The following NDUFAF7 variants were observed in gnomAD, a reference collection of about 807,000 sequenced individuals.
NDUFAF7 encodes the protein protein arginine methyltransferase NDUFAF7, mitochondrial.
A neutral mutation model predicts 47.2 loss-of-function variants in NDUFAF7; 48 were observed. That is an observed-to-expected ratio of 1.02 (90% CI 0.81 to 1.29). NDUFAF7 has a LOEUF of 1.29. Among genes scored for constraint, NDUFAF7 ranks in the 50% most tolerant of loss-of-function variants. The probability of loss-of-function intolerance (pLI) is 0.00; values close to 1 mark genes in which losing one functional copy is unlikely to be tolerated. For synonymous variants in NDUFAF7, 217 were observed against 190.0 expected, an observed-to-expected ratio of 1.14 and a Z score of -1.17; for missense variants, 635 against 537.6, an observed-to-expected ratio of 1.18 and a Z score of -1.79.
At chr2:37,256,377 A>C (rs192268728), downstream of NDUFAF7, among the ~76,000 whole-genome samples, 129 of 152,348 alleles carry the variant, frequency 8.5e-4, no homozygotes, top group African/African-American at 2.9e-3. Flanking sequence ...GGACCAGAAA[A>C]GAGTTTAACA....
rs755507326 is a variant in NDUFAF7 at position 37,243,881 on chromosome 2, C to T, written c.700C>T (p.Arg234Ter). The T allele has an allele frequency of 1.3e-5, 21 of 1,613,778 alleles. No individual in the cohort carries two copies. The highest frequency in any genetic ancestry group is 4.0e-5 in the African/African-American group (3 of 74,882). ...TGTTTAGAAAACACCACAGGGATGG[C>T]GAGAAGTATTTGTTGACATTGATCC... ...HKFQKTPQGW[R>*]EVFVDIDPQV... The change falls in exon 7 of 10, where the codon CGA becomes TGA. Residue 234 changes from arginine to a stop codon, truncating the protein, a stop_gained. Coordinates refer to ENST00000002125, the MANE Select transcript of NDUFAF7 (RefSeq NM_144736.5). LOFTEE classifies it high-confidence loss of function.
At chr2:37,266,334 G>T in the NDUFAF7 span, among the ~76,000 whole-genome samples, 2 of 152,154 alleles carry the variant, frequency 1.3e-5, no homozygotes, top group Non-Finnish European at 2.9e-5. Context: ...ACCATTTTTT[G>T]TTGTTGTTGA....
chr2:37,259,558 T>TA, the NDUFAF7 span: 5 of 1,557,312 alleles, frequency 3.2e-6, no homozygotes, highest in Non-Finnish European at 4.4e-6. Flanking sequence ...CAGAATCATT[T>TA]AAAAGGTTCT....
the NDUFAF7 span, among the ~76,000 whole-genome samples, chr2:37,263,368 C>T: frequency 2.6e-5 from 4 of 152,104 alleles, no homozygotes; most frequent in South Asian, 2.1e-4. Flanking sequence ...ACTGTTTATA[C>T]GACTGCTTTT....
the NDUFAF7 span, among the ~76,000 whole-genome samples, chr2:37,266,116 C>T: frequency 6.6e-6 from 1 of 152,124 alleles, no homozygotes. Context: ...AGGAGACAGC[C>T]TTGATATGAC....
the NDUFAF7 span, among the ~76,000 whole-genome samples, chr2:37,262,349 ACT>A: frequency 3.9e-5 from 6 of 152,140 alleles, no homozygotes; most frequent in Non-Finnish European, 8.8e-5. Context: ...TGTTTAATAA[ACT>A]CTCTGAGGCA....
chr2:37,257,607 A>C (rs1668062801), downstream of NDUFAF7, among the ~76,000 whole-genome samples: 2 of 137,316 alleles, frequency 1.5e-5, no homozygotes, highest in Admixed American at 1.7e-4. Context: ...CAGAGCTTGC[A>C]GTGAGTCGAG....
At chr2:37,261,737 G>A in the NDUFAF7 span, among the ~76,000 whole-genome samples, 10 of 152,314 alleles carry the variant, frequency 6.6e-5, no homozygotes, top group East Asian at 1.3e-3. Context: ...CTGAGATTGC[G>A]CCATTGCACT....
the NDUFAF7 span, among the ~76,000 whole-genome samples, chr2:37,265,488 T>TACACAC: frequency 3.3e-5 from 5 of 150,052 alleles, no homozygotes; most frequent in South Asian, 2.1e-4. Context: ...ATCTTTATAC[T>TACACAC]ACACACACAC....
chr2:37,238,522 G>A (rs1666028047), intron 4 of NDUFAF7, among the ~76,000 whole-genome samples: 1 of 151,800 alleles, frequency 6.6e-6, no homozygotes, highest in Non-Finnish European at 1.5e-5. Flanking sequence ...GGGCCAAGGT[G>A]GGAGGATTGC....
At chr2:37,244,124 A>T in intron 7 of NDUFAF7, 151 bp downstream of exon 7, 1 of 684,580 alleles carries the variant, frequency 1.5e-6, no homozygotes, top group Non-Finnish European at 2.5e-6. Flanking sequence ...GAAAGTGCAG[A>T]GGAGCTAGAG....
At position 37,248,492 on chromosome 2, in the gene NDUFAF7, C is replaced by G. The variant is rs1017676475; in HGVS notation, c.*142C>G. The G allele has an allele frequency of 2.4e-6, 2 of 827,210 alleles. No homozygotes were observed. The highest frequency in any genetic ancestry group is 4.0e-6 in the Non-Finnish European group (2 of 500,154). The allele number at this position is 827,210 out of a possible 1,614,324, so 51.2% of individuals were successfully genotyped here. A position where few individuals can be genotyped will look rare whatever the true frequency, so the allele number is the denominator to read the frequency against. ...CAGTCCATGTTGTATATAATACAAC[C>G]AACATTATAGAACTTTTAGGGTTGT... On this transcript the variant is annotated 3_prime_UTR_variant, in exon 10 of 10. Transcript: ENST00000002125.
At chr2:37,231,924 G>A (rs1419668166) in intron 1 of NDUFAF7, 164 bp downstream of exon 1, 14 of 1,593,414 alleles carry the variant, frequency 8.8e-6, no homozygotes, top group Non-Finnish European at 1.2e-5. Context: ...CAATAGGGCT[G>A]CGTAGTCGTG....
chr2:37,233,365 C>T (rs549954112), intron 2 of NDUFAF7, among the ~76,000 whole-genome samples: 1 of 152,336 alleles, frequency 6.6e-6, no homozygotes, highest in South Asian at 2.1e-4. Flanking sequence ...CGTGGCGGCT[C>T]ACGCCTGTAA....
chr2:37,246,278 C>A, intron 8 of NDUFAF7, 83 bp downstream of exon 8: 1 of 1,450,738 alleles, frequency 6.9e-7, no homozygotes, highest in Non-Finnish European at 9.6e-7. Context: ...TTCTACAGTG[C>A]CTGGTATTGT....
At chr2:37,239,209 C>T (rs573397013) in intron 4 of NDUFAF7, among the ~76,000 whole-genome samples, 1 of 151,164 alleles carries the variant, frequency 6.6e-6, no homozygotes, top group Non-Finnish European at 1.5e-5. Context: ...ACCTCTGCCT[C>T]CCAGGTTCAG....
the NDUFAF7 span, among the ~76,000 whole-genome samples, chr2:37,266,303 A>G: frequency 6.6e-6 from 1 of 152,158 alleles, no homozygotes; most frequent in Admixed American, 6.5e-5. Flanking sequence ...ACCCAAAGCA[A>G]ATGGGGCTCT....
In NDUFAF7 at chr2:37,236,189, G is replaced by C; in HGVS notation, c.297+13G>C. The C allele has an allele frequency of 6.4e-7, 1 of 1,563,112 alleles. No homozygotes were observed. The highest frequency in any genetic ancestry group is 8.8e-7 in the Non-Finnish European group (1 of 1,133,822). On this transcript the variant is annotated intron_variant, in intron 3 of 9. Transcript: ENST00000002125. ...AATCTTTGGGGAGGTAATATACTAT[G>C]TAAAGTATGAATGAAGCTAATATAA...
intron 2 of NDUFAF7, among the ~76,000 whole-genome samples, chr2:37,234,412 A>G (rs557602218): frequency 6.6e-6 from 1 of 151,976 alleles, no homozygotes; most frequent in South Asian, 2.1e-4. Flanking sequence ...TTTTTAATAC[A>G]CTAGTAAAGA....
Sources: gnomAD v4.1 joint callset for allele counts (sites outside exome capture counted in the v4.1 genomes callset) on GRCh38, gnomAD v4.1.1 for gene constraint, MANE v1.5 for transcripts, NCBI Gene and HGNC (gene_info 2026-07-23, HGNC 2026-07-21) for gene names.